The following IGSF21 variants were observed in gnomAD, a reference collection of about 807,000 sequenced individuals.
The protein encoded by IGSF21 is immunoglobin superfamily member 21.
Under a neutral mutation model 46.8 loss-of-function variants are expected in IGSF21, and 28 were observed. The ratio of observed to expected loss-of-function variants is 0.60; its 90% CI spans 0.44 to 0.82. The LOEUF (loss-of-function observed/expected upper bound fraction) is 0.82, where lower values mean the gene tolerates loss of function less well. IGSF21 is among the 40% of genes least tolerant of loss of function. IGSF21 has a pLI of 0.00. For missense variants in IGSF21, 624 were observed against 665.5 expected (o/e 0.94, Z 0.69); for synonymous variants, 284 against 273.6 (o/e 1.04, Z -0.38).
At chr1:18,145,476 G>T (rs545196989) in intron 1 of IGSF21, among the ~76,000 whole-genome samples, 1 of 152,190 alleles carries the variant, frequency 6.6e-6, no homozygotes, top group African/African-American at 2.4e-5. Flanking sequence ...GCCCCTCCTG[G>T]TTCCCATGAG....
intron 4 of IGSF21, among the ~76,000 whole-genome samples, chr1:18,357,296 T>G (rs558868943): frequency 3.2e-4 from 37 of 114,732 alleles, no homozygotes; most frequent in Admixed American, 4.9e-4. Context: ...GAAGATGGAG[T>G]GGGGATGAGG....
chr1:18,120,010 A>G (rs74355190), intron 1 of IGSF21, among the ~76,000 whole-genome samples: 2 of 152,350 alleles, frequency 1.3e-5, no homozygotes, highest in African/African-American at 4.8e-5. Flanking sequence ...ATGGAACCAC[A>G]TGGGCTTCTG....
chr1:18,244,824 A>C (rs918103602), intron 2 of IGSF21, among the ~76,000 whole-genome samples: 4 of 152,202 alleles, frequency 2.6e-5, no homozygotes, highest in Non-Finnish European at 5.9e-5. Context: ...AATAATAATA[A>C]TACTTCTCCT....
intron 3 of IGSF21, among the ~76,000 whole-genome samples, chr1:18,332,693 G>A (rs764488690): frequency 6.6e-6 from 1 of 152,148 alleles, no homozygotes; most frequent in African/African-American, 2.4e-5. Flanking sequence ...GGGGGACGGC[G>A]TCTTCTCAAC....
chr1:18,159,839 G>A (rs913951242), intron 1 of IGSF21, among the ~76,000 whole-genome samples: 18 of 152,116 alleles, frequency 1.2e-4, no homozygotes, highest in East Asian at 9.7e-4. Context: ...CCAGCACCAC[G>A]CCCGGCTAAT....
intron 1 of IGSF21, among the ~76,000 whole-genome samples, chr1:18,184,491 C>T (rs17488361): frequency 5.3e-5 from 8 of 152,272 alleles, no homozygotes; most frequent in South Asian, 4.2e-4. Flanking sequence ...TCATTTTCCT[C>T]GAATGAGATT....
intron 3 of IGSF21, among the ~76,000 whole-genome samples, chr1:18,301,413 C>G (rs1346816500): frequency 1.3e-5 from 2 of 152,226 alleles, no homozygotes; most frequent in East Asian, 3.9e-4. Flanking sequence ...GATCTCAGCT[C>G]GCTGCAACCT....
intron 2 of IGSF21, among the ~76,000 whole-genome samples, chr1:18,247,763 C>A (rs2124523884): frequency 6.6e-6 from 1 of 152,174 alleles, no homozygotes; most frequent in Non-Finnish European, 1.5e-5. Flanking sequence ...TTATTTAATC[C>A]CCATAGCAAC....
intron 1 of IGSF21, among the ~76,000 whole-genome samples, chr1:18,202,436 A>G (rs1300702920): frequency 6.6e-6 from 1 of 152,208 alleles, no homozygotes; most frequent in Non-Finnish European, 1.5e-5. Flanking sequence ...CTATAAAGAA[A>G]TACTCAAGAC....
intron 6 of IGSF21, among the ~76,000 whole-genome samples, chr1:18,367,850 C>A (rs937988953): frequency 4.0e-5 from 6 of 151,816 alleles, no homozygotes; most frequent in African/African-American, 1.2e-4. Flanking sequence ...GGTGATCCAC[C>A]TGCCTCGGCC....
chr1:18,278,554 TG>T (rs2085127326), intron 2 of IGSF21, among the ~76,000 whole-genome samples: 1 of 148,946 alleles, frequency 6.7e-6, no homozygotes, highest in African/African-American at 2.5e-5. Context: ...TTTGTTTGTT[TG>T]TTTGTTTGTT....
At chr1:18,363,740 G>A (rs2086128982) in intron 5 of IGSF21, among the ~76,000 whole-genome samples, 1 of 151,748 alleles carries the variant, frequency 6.6e-6, no homozygotes, top group Non-Finnish European at 1.5e-5. Context: ...CAGGGGAGTA[G>A]AGACACAGGT....
In IGSF21 at chr1:18,232,209, C is replaced by CTTTTTTTTTTTTTTT. The variant is rs55775011; in HGVS notation, c.183+4207_183+4208insTTTTTTTTTTTTTTT. Among the ~76,000 whole-genome samples, 50 of 104,996 alleles carry CTTTTTTTTTTTTTTT rather than the reference C, an allele frequency of 4.8e-4. 1 individual carries two copies. The highest frequency in any genetic ancestry group is 4.3e-3 in the East Asian group (14 of 3,268). 68.9% of individuals were successfully genotyped at this position (104,996 alleles called of 152,430 possible). A position where few individuals can be genotyped will look rare whatever the true frequency, so the allele number is the denominator to read the frequency against. On this transcript the variant is annotated intron_variant, in intron 2 of 9. Transcript: ENST00000251296. ...GCTCATATAGATAAGCTCCAGACAG[C>CTTTTTTTTTTTTTTT]TTTTTTTTGGCTAATAGAGTAGGGG... is the stretch of plus-strand genomic sequence containing the variant.
rs1157469340 is a variant in IGSF21 at position 18,225,081 on chromosome 1, TCTCTCACA to T, written c.71-2815_71-2808del. 4.4e-3 allele frequency among the ~76,000 whole-genome samples: 138 copies of T among 31,206 alleles called. 1 individual carries two copies. The highest frequency in any genetic ancestry group is 0.017 in the Admixed American group (37 of 2,126). 20.5% of individuals were successfully genotyped at this position (31,206 alleles called of 152,430 possible). On this transcript the variant is annotated intron_variant, in intron 1 of 9. Coordinates refer to ENST00000251296, the MANE Select transcript of IGSF21 (RefSeq NM_032880.5). ...CTCTGTATCTCTCTCTCTCTCTCTCTCTCTCACACACACACACACACACACACACACAC... is the reference window on the plus strand; with the variant it reads ...CTCTGTATCTCTCTCTCTCTCTCTCTCACACACACACACACACACACACAC...
chr1:18,303,561 G>A (rs182223801), intron 3 of IGSF21, among the ~76,000 whole-genome samples: 21 of 152,338 alleles, frequency 1.4e-4, no homozygotes, highest in African/African-American at 4.8e-4. Flanking sequence ...GTGCCAGGAA[G>A]CACCCTGGGG....
At chr1:18,296,651 C>A (rs2085314919) in intron 3 of IGSF21, among the ~76,000 whole-genome samples, 1 of 152,166 alleles carries the variant, frequency 6.6e-6, no homozygotes, top group Non-Finnish European at 1.5e-5. Flanking sequence ...ATTCCATCTG[C>A]TTAAAATATT....
At chr1:18,276,847 C>T (rs556466265) in intron 2 of IGSF21, among the ~76,000 whole-genome samples, 4 of 152,224 alleles carry the variant, frequency 2.6e-5, no homozygotes, top group African/African-American at 9.6e-5. Context: ...CTGGGGCCAT[C>T]GTTTGGTGGT....
chr1:18,344,066 G>T (rs942010976), intron 4 of IGSF21, among the ~76,000 whole-genome samples: 8 of 152,128 alleles, frequency 5.3e-5, no homozygotes, highest in African/African-American at 1.9e-4. Context: ...CTGGAGAGCT[G>T]GATTCTTGCT....
chr1:18,300,090 CA>C (rs2085346881), intron 3 of IGSF21, among the ~76,000 whole-genome samples: 1 of 152,088 alleles, frequency 6.6e-6, no homozygotes, highest in Non-Finnish European at 1.5e-5. Context: ...AATTACATAT[CA>C]ACTGAGCAAC....
Sources: allele counts gnomAD v4.1 joint callset (sites outside exome capture counted in the v4.1 genomes callset), GRCh38; gene constraint gnomAD v4.1.1; transcripts MANE v1.5; gene names NCBI Gene and HGNC (gene_info 2026-07-23, HGNC 2026-07-21).